The following CA3 variants were observed in gnomAD, a reference collection of about 807,000 sequenced individuals.
CA3 encodes carbonic anhydrase 3, also known as CA-III.
CA3 carries 30 observed loss-of-function variants against 35.7 expected under a neutral mutation model. That is an observed-to-expected ratio of 0.84 (90% CI 0.63 to 1.14). The LOEUF (loss-of-function observed/expected upper bound fraction) is 1.14. Ranked by LOEUF, CA3 falls within the 50% of genes most tolerant of loss-of-function variation. CA3 has a pLI of 0.00. For synonymous variants in CA3, 131 were observed against 130.8 expected, an observed-to-expected ratio of 1.00 and a Z score of -0.01; for missense variants, 295 against 328.5, an observed-to-expected ratio of 0.90 and a Z score of 0.79.
chr8:85,441,825 A>C, intron 2 of CA3: 1 of 466,376 alleles, frequency 2.1e-6, no homozygotes, highest in Non-Finnish European at 3.9e-6. Flanking sequence ...CCTAAATGTT[A>C]AAATGATGTT....
chr8:85,441,103 T>A (rs1811201319), intron 2 of CA3, among the ~76,000 whole-genome samples: 2 of 152,246 alleles, frequency 1.3e-5, no homozygotes, highest in African/African-American at 4.8e-5. Context: ...AACAAACTCA[T>A]ATAGGCCTAG....
At position 85,448,341 on chromosome 8, in the gene CA3, A is replaced by G; in HGVS notation, c.*188A>G. 2.2e-6 allele frequency: 1 copy of G among 453,806 alleles called. No individual in the cohort carries two copies. Among genetic ancestry groups the G allele is most frequent in the Non-Finnish European group, 3.8e-6 (1 of 265,320 alleles). 28.1% of individuals were successfully genotyped at this position (453,806 alleles called of 1,614,324 possible). On this transcript the variant is annotated 3_prime_UTR_variant, in exon 7 of 7. Transcript: ENST00000285381. ...AAAGTTACTTTCGACAAGATCTAAT[A>G]TGAAAGCATAGATTTCACATTTGAT...
In CA3 at chr8:85,441,971, A is replaced by G. The variant is rs1811213278; in HGVS notation, c.233-102A>G. On this transcript the variant is annotated intron_variant, in intron 2 of 6. Coordinates refer to ENST00000285381, the MANE Select transcript of CA3 (RefSeq NM_005181.4). The stretch of plus-strand genomic sequence containing the variant: ...GCACCATCCACCCAGCAAACTGACC[A>G]CATTTTGTCCATTAAGCCTTGGCTC... 4.0e-6 allele frequency: 3 copies of G among 741,576 alleles called. No individual in the cohort carries two copies. In the African/African-American group the frequency reaches 5.1e-5, roughly 13 times the overall value. The allele number at this position is 741,576 out of a possible 1,614,324, so 45.9% of individuals were successfully genotyped here. A position where few individuals can be genotyped will look rare whatever the true frequency, so the allele number is the denominator to read the frequency against.
At chr8:85,446,968 A>C (rs1488130781) in intron 6 of CA3, among the ~76,000 whole-genome samples, 2 of 152,212 alleles carry the variant, frequency 1.3e-5, no homozygotes, top group Non-Finnish European at 2.9e-5. Flanking sequence ...GCAAGTAAAC[A>C]ACACAGGGAC....
In CA3 at chr8:85,448,245, A is replaced by G. The variant is rs1159262693; in HGVS notation, c.*92A>G. 1 of 1,359,050 alleles carries G rather than the reference A, an allele frequency of 7.4e-7. No homozygotes were observed. The highest frequency in any genetic ancestry group is 1.4e-5 in the African/African-American group (1 of 69,124). 84.2% of individuals were successfully genotyped at this position (1,359,050 alleles called of 1,614,324 possible). A position where few individuals can be genotyped will look rare whatever the true frequency, so the allele number is the denominator to read the frequency against. ...TTCTGGTGCTCCTTACTCCAAGTCT[A>G]TTTCATTTTTCCACACTGAGCAATG... On this transcript the variant is annotated 3_prime_UTR_variant, in exon 7 of 7. Coordinates refer to ENST00000285381, the MANE Select transcript of CA3 (RefSeq NM_005181.4).
intron 2 of CA3, among the ~76,000 whole-genome samples, chr8:85,440,798 G>A (rs1811197208): frequency 6.6e-6 from 1 of 152,098 alleles, no homozygotes; most frequent in Non-Finnish European, 1.5e-5. Flanking sequence ...CTACCAGGAG[G>A]TTCCAAGTTA....
At chr8:85,444,447 T>C (rs1811252769) in intron 4 of CA3, among the ~76,000 whole-genome samples, 1 of 152,098 alleles carries the variant, frequency 6.6e-6, no homozygotes, top group Non-Finnish European at 1.5e-5. Context: ...AAAGGTGGCA[T>C]ATATTTATTT....
chr8:85,445,658 A>G (rs983300699), intron 5 of CA3, among the ~76,000 whole-genome samples: 2 of 152,228 alleles, frequency 1.3e-5, no homozygotes, highest in Non-Finnish European at 1.5e-5. Flanking sequence ...AATCTTCACA[A>G]TAGACTCATG....
chr8:85,448,203 C>G lies in CA3; in HGVS notation c.*50C>G, dbSNP rs1036757336. The G allele has an allele frequency of 6.4e-7, 1 of 1,557,214 alleles. No homozygotes were observed. The highest frequency in any genetic ancestry group is 1.5e-5 in the African/African-American group (1 of 67,626). ...GGAAAGGAAACCTACCATTGGAGAG[C>G]TTGGTTCCTTGCCTCCTTCTGGTGC... On this transcript the variant is annotated 3_prime_UTR_variant, in exon 7 of 7. Transcript: ENST00000285381.
chr8:85,445,533 C>CACACACACACAT (rs1554708007), intron 5 of CA3, among the ~76,000 whole-genome samples: 14 of 141,476 alleles, frequency 9.9e-5, no homozygotes, highest in African/African-American at 3.2e-4. Context: ...CACACACACA[C>CACACACACACAT]ACACACACAC....
chr8:85,444,106 G>A lies in CA3; in HGVS notation c.424G>A (p.Val142Met). Reference sequence around the variant, plus strand: ...CCTGAAGCAGCGCGATGGGATCGCTGTGATTGGCATTTTTCTGAAGGTAAA... The same window carrying A: ...CCTGAAGCAGCGCGATGGGATCGCTATGATTGGCATTTTTCTGAAGGTAAA... ...EALKQRDGIA[V>M]IGIFLKIGHE... The change falls in exon 4 of 7, where the codon GTG becomes ATG. Residue 142 changes from valine to methionine, a missense_variant. Physicochemically the swap from Val to Met is conservative, Grantham distance 21 (BLOSUM62 1). Transcript: ENST00000285381. The A allele has an allele frequency of 1.9e-6, 3 of 1,612,168 alleles. No individual in the cohort carries two copies. The highest frequency in any genetic ancestry group is 2.5e-6 in the Non-Finnish European group (3 of 1,178,206).
At chr8:85,443,786 T>C (rs1314372787) in intron 3 of CA3, among the ~76,000 whole-genome samples, 3 of 152,204 alleles carry the variant, frequency 2.0e-5, no homozygotes, top group African/African-American at 7.2e-5. Context: ...TAAATTAAGG[T>C]CAGGTTGCCA....
chr8:85,446,308 T>G lies in CA3; in HGVS notation c.663+11T>G. On this transcript the variant is annotated intron_variant, in intron 6 of 6. Transcript: ENST00000285381. ...GTGAGCTCTGACCAGGTGAGCAGCC[T>G]TGTGAACACGTGGGCTTATGTTGCT... is the stretch of plus-strand genomic sequence containing the variant. 6.2e-7 allele frequency: 1 copy of G among 1,607,502 alleles called. No individual in the cohort carries two copies.
chr8:85,446,976 G>A (rs1433721766), intron 6 of CA3, among the ~76,000 whole-genome samples: 1 of 152,120 alleles, frequency 6.6e-6, no homozygotes, highest in Non-Finnish European at 1.5e-5. Flanking sequence ...ACAACACAGG[G>A]ACTCACAACC....
In CA3 at chr8:85,444,964, TCC is replaced by T. The variant is rs1811262055; in HGVS notation, c.445-191_445-190del. Among the ~76,000 whole-genome samples the T allele has an allele frequency of 3.3e-5, 5 of 152,046 alleles. No homozygotes were observed. The South Asian group carries it at 8.3e-4, about 25-fold the overall frequency. The stretch of plus-strand genomic sequence containing the variant: ...GGTCCTGTACTTCAGAAGCCTGGAG[TCC>T]AAATTTAGATCAGAAAATATATACT... On this transcript the variant is annotated intron_variant, in intron 4 of 6. Transcript: ENST00000285381.
At chr8:85,447,804 C>T (rs978940133) in intron 6 of CA3, among the ~76,000 whole-genome samples, 3 of 152,116 alleles carry the variant, frequency 2.0e-5, no homozygotes, top group African/African-American at 7.2e-5. Context: ...GAGGCTGAGG[C>T]AGGAGAATCG....
chr8:85,444,110 T>C lies in CA3; in HGVS notation c.428T>C (p.Ile143Thr), dbSNP rs374710695. The change falls in exon 4 of 7, where the codon ATT becomes ACT. Residue 143 changes from isoleucine (I) to threonine (T), a missense_variant. Transcript: ENST00000285381. ...ALKQRDGIAV[I>T]GIFLKIGHEN... ...AAGCAGCGCGATGGGATCGCTGTGATTGGCATTTTTCTGAAGGTAAAGTAA... is the reference window on the plus strand; with the variant it reads ...AAGCAGCGCGATGGGATCGCTGTGACTGGCATTTTTCTGAAGGTAAAGTAA... 65 of 1,611,326 alleles carry C rather than the reference T, an allele frequency of 4.0e-5. No individual in the cohort carries two copies. In the East Asian group the frequency reaches 7.1e-4, roughly 18 times the overall value.
chr8:85,448,102 G>A lies in CA3; in HGVS notation c.732G>A (p.Trp244Ter). Residue 244 changes from tryptophan to a stop codon, truncating the protein, a stop_gained, in exon 7 of 7, where the codon TGG becomes TGA. Transcript: ENST00000285381. LOFTEE classifies it high-confidence loss of function. ...CCCCAGTGCCTCTTGTGAGCAACTGGCGACCTCCACAGCCTATCAATAACA... is the reference window on the plus strand; with the variant it reads ...CCCCAGTGCCTCTTGTGAGCAACTGACGACCTCCACAGCCTATCAATAACA... ...NEPPVPLVSN[W>*]RPPQPINNRV... 1 of 1,613,680 alleles carries A rather than the reference G, an allele frequency of 6.2e-7. No individual in the cohort carries two copies. Among genetic ancestry groups the A allele is most frequent in the Non-Finnish European group, 8.5e-7 (1 of 1,179,822 alleles).
intron 5 of CA3, 46 bp downstream of exon 5, chr8:85,445,264 C>G (rs772421807): frequency 4.8e-6 from 6 of 1,258,100 alleles, no homozygotes; most frequent in Non-Finnish European, 5.7e-6. Flanking sequence ...GCAGATTATG[C>G]AGATTTTCTT....
Sources: allele counts gnomAD v4.1 joint callset (sites outside exome capture counted in the v4.1 genomes callset), GRCh38; gene constraint gnomAD v4.1.1; transcripts MANE v1.5; gene names NCBI Gene and HGNC (gene_info 2026-07-23, HGNC 2026-07-21).